Variants in ADAMTS6 observed in about 807,000 individuals in gnomAD.
The protein encoded by ADAMTS6 is ADAM metallopeptidase with thrombospondin type 1 motif 6, also known as A disintegrin and metalloproteinase with thrombospondin motifs 6.
ADAMTS6 carries 23 observed loss-of-function variants against 144.3 expected under a neutral mutation model. The ratio of observed to expected loss-of-function variants is 0.16; its 90% CI spans 0.11 to 0.23. The LOEUF (loss-of-function observed/expected upper bound fraction) is 0.23. Ranked by LOEUF, ADAMTS6 falls within the 10% of genes least tolerant of loss-of-function variation. The pLI, the probability that ADAMTS6 is intolerant of heterozygous loss-of-function variation, is 1.00. For missense variants in ADAMTS6, 999 were observed against 1,379.6 expected, an observed-to-expected ratio of 0.72 and a Z score of 4.37; for synonymous variants, 444 against 457.5, an observed-to-expected ratio of 0.97 and a Z score of 0.38.
At chr5:65,167,648 A>T (rs1753273881) in intron 24 of ADAMTS6, among the ~76,000 whole-genome samples, 1 of 128,946 alleles carries the variant, frequency 7.8e-6, no homozygotes, top group Non-Finnish European at 1.6e-5. Context: ...AATACTGGCA[A>T]ACCGAATCCA....
intron 7 of ADAMTS6, among the ~76,000 whole-genome samples, chr5:65,373,527 C>G (rs1224054519): frequency 2.8e-4 from 43 of 151,100 alleles, no homozygotes; most frequent in Non-Finnish European, 4.9e-4. Context: ...ATAAATTCCT[C>G]GACACATACA....
At chr5:65,257,538 T>C (rs765330367) in intron 14 of ADAMTS6, among the ~76,000 whole-genome samples, 1 of 152,202 alleles carries the variant, frequency 6.6e-6, no homozygotes, top group African/African-American at 2.4e-5. Context: ...CAATCATTCT[T>C]ACCAATATCC....
intron 8 of ADAMTS6, 45 bp downstream of exon 8, chr5:65,333,997 T>TAAAAAAAAAAA (rs750637450): frequency 1.9e-4 from 156 of 842,356 alleles, no homozygotes; most frequent in Middle Eastern, 4.1e-4. Flanking sequence ...CTACCTTTAT[T>TAAAAAAAAAAA]AAAAAAAAAA....
At position 65,308,984 on chromosome 5, in the gene ADAMTS6, G is replaced by A. The variant is rs551096540; in HGVS notation, c.1224-8853C>T. 6.6e-5 allele frequency among the ~76,000 whole-genome samples: 10 copies of A among 152,138 alleles called. No individual in the cohort carries two copies. In the East Asian group the frequency reaches 1.9e-3, roughly 29 times the overall value. ...ACAATAAAAGCCCCAAAACAGCAAC[G>A]GGACAATATTAATGTTTGTTAAATC... is the stretch of plus-strand genomic sequence containing the variant. On this transcript the variant is annotated intron_variant, in intron 9 of 24. Transcript: ENST00000381055.
At chr5:65,438,353 C>G (rs900408311) in intron 7 of ADAMTS6, among the ~76,000 whole-genome samples, 1 of 152,116 alleles carries the variant, frequency 6.6e-6, no homozygotes, top group African/African-American at 2.4e-5. Flanking sequence ...CATAGCTAAA[C>G]CCATCTCTAC....
chr5:65,333,930 G>A (rs1281517811), intron 8 of ADAMTS6, 112 bp downstream of exon 8: 7 of 1,113,868 alleles, frequency 6.3e-6, no homozygotes, highest in African/African-American at 6.1e-5. Flanking sequence ...AAAGGAAAAT[G>A]ACCAAATTAA....
At chr5:65,313,371 A>C (rs1744691278) in intron 9 of ADAMTS6, among the ~76,000 whole-genome samples, 1 of 152,092 alleles carries the variant, frequency 6.6e-6, no homozygotes, top group African/African-American at 2.4e-5. Flanking sequence ...TACTATGTGA[A>C]TATGTCCACA....
chr5:65,365,191 T>C (rs1481890864), intron 7 of ADAMTS6, among the ~76,000 whole-genome samples: 1 of 152,182 alleles, frequency 6.6e-6, no homozygotes, highest in Non-Finnish European at 1.5e-5. Flanking sequence ...ATCACTCATC[T>C]GGAGTATACA....
chr5:65,386,502 G>A (rs968290077), intron 7 of ADAMTS6, among the ~76,000 whole-genome samples: 9 of 152,158 alleles, frequency 5.9e-5, no homozygotes, highest in Non-Finnish European at 1.2e-4. Context: ...ACAACAAGAT[G>A]CAGAAATATT....
intron 7 of ADAMTS6, among the ~76,000 whole-genome samples, chr5:65,379,374 A>G (rs1049820508): frequency 6.6e-6 from 1 of 152,158 alleles, no homozygotes; most frequent in Non-Finnish European, 1.5e-5. Flanking sequence ...GTAAGACCAA[A>G]TAACTTCTAC....
chr5:65,392,545 A>G (rs1368787181), intron 7 of ADAMTS6, among the ~76,000 whole-genome samples: 2 of 152,118 alleles, frequency 1.3e-5, no homozygotes, highest in South Asian at 2.1e-4. Flanking sequence ...TTTGTGCTCA[A>G]TTGGTCTCAA....
chr5:65,304,897 T>C (rs1472930323), intron 9 of ADAMTS6, among the ~76,000 whole-genome samples: 3 of 151,730 alleles, frequency 2.0e-5, no homozygotes, highest in South Asian at 4.2e-4. Flanking sequence ...GTAAATGCAA[T>C]GGAAACTGGA....
At chr5:65,450,381 T>G (rs1436845117) in intron 7 of ADAMTS6, among the ~76,000 whole-genome samples, 3 of 152,162 alleles carry the variant, frequency 2.0e-5, no homozygotes, top group African/African-American at 7.2e-5. Context: ...GTTTACATTA[T>G]CTTACTGGAT....
chr5:65,389,345 A>G (rs1752728666), intron 7 of ADAMTS6, among the ~76,000 whole-genome samples: 1 of 152,178 alleles, frequency 6.6e-6, no homozygotes, highest in Non-Finnish European at 1.5e-5. Context: ...TGAGAAAGCA[A>G]TTTAGTTTCA....
intron 14 of ADAMTS6, among the ~76,000 whole-genome samples, chr5:65,243,536 C>T (rs184402001): frequency 6.6e-6 from 1 of 152,142 alleles, no homozygotes; most frequent in East Asian, 1.9e-4. Flanking sequence ...CATTCCAATG[C>T]CAAATCTAGT....
chr5:65,426,050 CT>C (rs765045274), intron 7 of ADAMTS6, among the ~76,000 whole-genome samples: 245 of 143,422 alleles, frequency 1.7e-3, no homozygotes, highest in African/African-American at 3.5e-3. Context: ...CGCACACAGA[CT>C]TTTTTTTTTT....
At chr5:65,395,340 A>G (rs920959931) in intron 7 of ADAMTS6, among the ~76,000 whole-genome samples, 2 of 152,220 alleles carry the variant, frequency 1.3e-5, no homozygotes, top group East Asian at 3.8e-4. Context: ...TTTAAATGTT[A>G]AACAAAGTAG....
intron 21 of ADAMTS6, among the ~76,000 whole-genome samples, chr5:65,192,696 A>G (rs2112200887): frequency 6.7e-6 from 1 of 149,346 alleles, no homozygotes; most frequent in East Asian, 2.0e-4. Flanking sequence ...CATGGATCCC[A>G]CTACTTTCAT....
In ADAMTS6 at chr5:65,333,706, GAGAT is replaced by G. The variant is rs201492991; in HGVS notation, c.1117+332_1117+335del. Among the ~76,000 whole-genome samples, 951 of 151,018 alleles carry G rather than the reference GAGAT, an allele frequency of 6.3e-3. 13 individuals carry two copies. Among genetic ancestry groups the G allele is most frequent in the African/African-American group, 0.022 (902 of 41,218 alleles). Reference sequence around the variant, plus strand: ...TGGTATTTCTAGAAAATACATTACAGAGATAGATTATATGAACATGAGTGATAAC... The same window carrying G: ...TGGTATTTCTAGAAAATACATTACAGAGATTATATGAACATGAGTGATAAC... On this transcript the variant is annotated intron_variant, in intron 8 of 24. Coordinates refer to ENST00000381055, the MANE Select transcript of ADAMTS6 (RefSeq NM_197941.4).
Sources: gnomAD v4.1 joint callset for allele counts (sites outside exome capture counted in the v4.1 genomes callset) on GRCh38, gnomAD v4.1.1 for gene constraint, MANE v1.5 for transcripts, NCBI Gene and HGNC (gene_info 2026-07-23, HGNC 2026-07-21) for gene names.